The following AK8 variants were observed in gnomAD, a reference collection of about 807,000 sequenced individuals.
AK8 encodes ATP-AMP transphosphorylase 8.
Under a neutral mutation model 54.6 loss-of-function variants are expected in AK8, and 44 were observed. The ratio of observed to expected loss-of-function variants is 0.81; its 90% CI spans 0.63 to 1.04. The LOEUF (loss-of-function observed/expected upper bound fraction) is 1.04, where lower values mean the gene tolerates loss of function less well. Ranked by LOEUF, AK8 falls within the 50% of genes least tolerant of loss-of-function variation. The pLI is 0.00. For missense variants in AK8, 555 were observed against 613.6 expected (o/e 0.90, Z 1.01); for synonymous variants, 239 against 245.6 (o/e 0.97, Z 0.25).
chr9:132,867,282 G>A (rs7025767), intron 2 of AK8, among the ~76,000 whole-genome samples: 17,748 of 152,208 alleles, frequency 0.12, 2,215 homozygotes, highest in African/African-American at 0.31. Context: ...TCTCAGGAAC[G>A]CTCTCTCCAA....
At chr9:132,779,166 T>A (rs1453949587) in intron 11 of AK8, among the ~76,000 whole-genome samples, 4 of 152,214 alleles carry the variant, frequency 2.6e-5, no homozygotes, top group African/African-American at 7.2e-5. Flanking sequence ...TCTTTGAGGG[T>A]CATCCCTTCA....
At position 132,845,436 on chromosome 9, in the gene AK8, T is replaced by C. The variant is rs117894448; in HGVS notation, c.402+9421A>G. ...GCAGGTGCACTATGCAAAGAGGTTA[T>C]GCAGACCAAGCTTTTAAATAAGCTC... On this transcript the variant is annotated intron_variant, in intron 5 of 12. Transcript: ENST00000298545. Among the ~76,000 whole-genome samples, 1,163 of 152,356 alleles carry C rather than the reference T, an allele frequency of 7.6e-3. 9 individuals are homozygous for C. The highest frequency in any genetic ancestry group is 0.013 in the Admixed American group (196 of 15,306).
chr9:132,769,134 A>T (rs1239209169), intron 11 of AK8: 1 of 152,356 alleles, frequency 6.6e-6, no homozygotes, highest in Non-Finnish European at 1.5e-5. Context: ...GGCAACGTCG[A>T]AATCTCCAAA....
chr9:132,792,473 T>G (rs1473169057), intron 11 of AK8, among the ~76,000 whole-genome samples, 161 bp downstream of exon 11: 2 of 152,170 alleles, frequency 1.3e-5, no homozygotes, highest in Non-Finnish European at 2.9e-5. Flanking sequence ...TGACTCCTAG[T>G]CCACCGGGCA....
intron 10 of AK8, 125 bp from the exon 11 acceptor site, chr9:132,792,900 C>T (rs1481677812): frequency 2.5e-6 from 3 of 1,224,234 alleles, no homozygotes; most frequent in Non-Finnish European, 2.2e-6. Flanking sequence ...CCACTTGGAA[C>T]CACTTGGACA....
intron 10 of AK8, among the ~76,000 whole-genome samples, chr9:132,795,531 C>T (rs1840128906): frequency 6.6e-6 from 1 of 152,184 alleles, no homozygotes; most frequent in Admixed American, 6.5e-5. Context: ...CCTTCCAGTC[C>T]AGGTCTACCC....
chr9:132,727,646 C>T (rs766972915), intron 11 of AK8, 112 bp from the exon 12 acceptor site: 37 of 1,011,142 alleles, frequency 3.7e-5, no homozygotes, highest in East Asian at 1.9e-4. Flanking sequence ...CAGGGCTGGC[C>T]GATTCCTAGA....
At chr9:132,806,274 C>T (rs1317777334) in intron 10 of AK8, among the ~76,000 whole-genome samples, 1 of 152,020 alleles carries the variant, frequency 6.6e-6, no homozygotes, top group Non-Finnish European at 1.5e-5. Flanking sequence ...GAGCTCTTCC[C>T]AACTTATCTT....
At chr9:132,744,007 C>T (rs1404052675) in intron 11 of AK8, among the ~76,000 whole-genome samples, 8 of 152,206 alleles carry the variant, frequency 5.3e-5, no homozygotes, top group Non-Finnish European at 1.0e-4. Context: ...GACAGTGAAC[C>T]TGCCGGAACT....
At chr9:132,741,965 A>T (rs1229423501) in intron 11 of AK8, among the ~76,000 whole-genome samples, 1 of 152,160 alleles carries the variant, frequency 6.6e-6, no homozygotes, top group Non-Finnish European at 1.5e-5. Flanking sequence ...AAATGAGATG[A>T]CCCATAGAAA....
At chr9:132,783,353 G>T (rs1296485920) in intron 11 of AK8, among the ~76,000 whole-genome samples, 1 of 152,188 alleles carries the variant, frequency 6.6e-6, no homozygotes, top group Admixed American at 6.5e-5. Context: ...GCAGTGCCAT[G>T]ATTTTTAGAA....
Position 132,751,601 on chromosome 9 carries a change from A to G in AK8, c.1122-24067T>C, listed in dbSNP as rs531403621. Among the ~76,000 whole-genome samples the G allele has an allele frequency of 2.6e-5, 4 of 151,094 alleles. No individual in the cohort carries two copies. In the East Asian group the frequency reaches 7.8e-4, roughly 29 times the overall value. On this transcript the variant is annotated intron_variant, in intron 11 of 12. Transcript: ENST00000298545. Reference sequence around the variant, plus strand: ...GTCTGTGAATTAAGTCTATGATTCCAGCCGAGAAGCCTGTGACATCCTGGT... The same window carrying G: ...GTCTGTGAATTAAGTCTATGATTCCGGCCGAGAAGCCTGTGACATCCTGGT...
intron 4 of AK8, among the ~76,000 whole-genome samples, chr9:132,857,985 T>C (rs1303824059): frequency 6.6e-6 from 1 of 152,064 alleles, no homozygotes; most frequent in Admixed American, 6.5e-5. Flanking sequence ...ACTGTGATGC[T>C]CTCCCACCCC....
At chr9:132,876,798 G>A (rs1844121743) in intron 1 of AK8, among the ~76,000 whole-genome samples, 1 of 152,130 alleles carries the variant, frequency 6.6e-6, no homozygotes, top group Non-Finnish European at 1.5e-5. Flanking sequence ...GGAAATACTG[G>A]ACTGAAAGCT....
intron 11 of AK8, among the ~76,000 whole-genome samples, chr9:132,782,237 G>A (rs771543896): frequency 2.0e-5 from 3 of 151,572 alleles, no homozygotes; most frequent in African/African-American, 4.9e-5. Context: ...GCTTGGGCTC[G>A]GTAAGTAAAA....
chr9:132,875,388 G>A (rs1844049700), intron 1 of AK8, among the ~76,000 whole-genome samples, 189 bp from the exon 2 acceptor site: 1 of 152,082 alleles, frequency 6.6e-6, no homozygotes, highest in Admixed American at 6.5e-5. Flanking sequence ...GGGGCCACGT[G>A]GTGCTGCTGC....
At chr9:132,747,308 T>G (rs749395643) in intron 11 of AK8, among the ~76,000 whole-genome samples, 7 of 147,388 alleles carry the variant, frequency 4.7e-5, no homozygotes, top group Non-Finnish European at 7.7e-5. Context: ...ACCCAGCTAA[T>G]TTTTGTATTT....
intron 10 of AK8, among the ~76,000 whole-genome samples, chr9:132,795,052 G>A (rs577080380): frequency 2.0e-5 from 3 of 152,328 alleles, no homozygotes; most frequent in East Asian, 1.9e-4. Context: ...TGGTCAGGGC[G>A]TGCCAGCAAA....
In AK8 at chr9:132,878,228, T is replaced by C; in HGVS notation, c.28A>G (p.Ile10Val). The change falls in exon 1 of 13, where the codon ATC (isoleucine) becomes GTC (valine). Residue 10 changes from isoleucine to valine, a missense_variant. Physicochemically the swap from Ile to Val is conservative, Grantham distance 29. Transcript: ENST00000298545. This position sits in a 1 kb window ranked among gnomAD's most constrained non-coding sequence, Gnocchi z 4.7. ...CCGTACTGGGGCATCTCGGGGGGGA[T>C]ACGGTGCGGGGCGATAGTGGCGTCC... MDATIAPHRIPPEMPQYGEE... is the reference protein window; with the variant it reads MDATIAPHRVPPEMPQYGEE... The C allele has an allele frequency of 6.9e-7, 1 of 1,451,740 alleles. No homozygotes were observed. The highest frequency in any genetic ancestry group is 9.1e-7 in the Non-Finnish European group (1 of 1,098,452). 89.9% of individuals were successfully genotyped at this position (1,451,740 alleles called of 1,614,324 possible).
Sources: allele counts gnomAD v4.1 joint callset (sites outside exome capture counted in the v4.1 genomes callset), GRCh38; gene constraint gnomAD v4.1.1; non-coding constraint Gnocchi (gnomAD v3.1); transcripts MANE v1.5; gene names NCBI Gene and HGNC (gene_info 2026-07-23, HGNC 2026-07-21).